The following PDZRN4 variants were observed in gnomAD, a reference collection of about 807,000 sequenced individuals.
PDZRN4 encodes PDZ domain-containing RING finger protein 4.
In PDZRN4, 70 loss-of-function variants were observed where a neutral mutation model predicts 99.0. The observed-to-expected ratio is 0.71, with a 90% confidence interval of 0.58 to 0.86. The LOEUF is 0.86. Among genes scored for constraint, PDZRN4 ranks in the 40% least tolerant of loss-of-function variants. The pLI, the probability that PDZRN4 is intolerant of heterozygous loss-of-function variation, is 0.00. For missense variants in PDZRN4, 1,474 were observed against 1,331.2 expected (o/e 1.11, Z -1.67); for synonymous variants, 551 against 501.6 (o/e 1.10, Z -1.32).
chr12:41,236,701 T>C (rs1271205024), intron 3 of PDZRN4, among the ~76,000 whole-genome samples: 14 of 152,154 alleles, frequency 9.2e-5, no homozygotes, highest in Admixed American at 9.2e-4. Context: ...ATTGTTTTTT[T>C]GTTTCTTTTT....
At chr12:41,455,395 C>T (rs1952809873) in intron 3 of PDZRN4, among the ~76,000 whole-genome samples, 1 of 151,924 alleles carries the variant, frequency 6.6e-6, no homozygotes, top group African/African-American at 2.4e-5. Flanking sequence ...ATCTTGACAG[C>T]CTGAAATCTA....
At chr12:41,506,996 T>G (rs1269847772) in intron 4 of PDZRN4, among the ~76,000 whole-genome samples, 1 of 152,116 alleles carries the variant, frequency 6.6e-6, no homozygotes, top group East Asian at 1.9e-4. Flanking sequence ...TTACTAGCTG[T>G]CAAAAGCCTC....
intron 6 of PDZRN4, among the ~76,000 whole-genome samples, chr12:41,553,161 A>C (rs1414523229): frequency 6.6e-6 from 1 of 152,248 alleles, no homozygotes; most frequent in Non-Finnish European, 1.5e-5. Flanking sequence ...CAATAATCAC[A>C]TCTTTTACTC....
At chr12:41,209,314 G>T (rs1448732005) in intron 3 of PDZRN4, among the ~76,000 whole-genome samples, 1 of 148,206 alleles carries the variant, frequency 6.7e-6, no homozygotes, top group East Asian at 2.0e-4. Flanking sequence ...AATGTCAATG[G>T]CAAGTTTTCT....
chr12:41,264,960 G>T (rs1951266656), intron 3 of PDZRN4, among the ~76,000 whole-genome samples: 1 of 152,048 alleles, frequency 6.6e-6, no homozygotes, highest in African/African-American at 2.4e-5. Flanking sequence ...AAAGAAGGAG[G>T]AGAGAAAGGA....
intron 3 of PDZRN4, among the ~76,000 whole-genome samples, chr12:41,215,794 G>C (rs891526474): frequency 6.6e-6 from 1 of 150,510 alleles, no homozygotes; most frequent in African/African-American, 2.4e-5. Flanking sequence ...TAAATTCAGT[G>C]CTTTGAGTCT....
chr12:41,567,388 T>C (rs1939392757), intron 8 of PDZRN4, among the ~76,000 whole-genome samples: 2 of 152,240 alleles, frequency 1.3e-5, no homozygotes, highest in South Asian at 4.2e-4. Context: ...GGGTTGTTGT[T>C]AAAGAAAACA....
At chr12:41,201,232 T>G (rs1308990108) in intron 3 of PDZRN4, among the ~76,000 whole-genome samples, 1 of 151,850 alleles carries the variant, frequency 6.6e-6, no homozygotes, top group African/African-American at 2.4e-5. Context: ...CAGGCCTCTC[T>G]GCTTTTATTT....
At chr12:41,358,679 A>G (rs769867089) in intron 3 of PDZRN4, among the ~76,000 whole-genome samples, 3 of 151,948 alleles carry the variant, frequency 2.0e-5, no homozygotes, top group Non-Finnish European at 4.4e-5. Context: ...GTGAAACTTG[A>G]ATATATTTAA....
At chr12:41,480,431 G>A (rs1295512385) in intron 3 of PDZRN4, among the ~76,000 whole-genome samples, 5 of 152,010 alleles carry the variant, frequency 3.3e-5, no homozygotes, top group African/African-American at 7.3e-5. Context: ...ATCTTTCTGA[G>A]GTTTTGATCT....
chr12:41,225,434 TG>T (rs1302909867), intron 3 of PDZRN4, among the ~76,000 whole-genome samples: 1 of 93,420 alleles, frequency 1.1e-5, no homozygotes, highest in Non-Finnish European at 2.5e-5. Context: ...TATTACACTG[TG>T]TTTTTTTTTT....
At chr12:41,343,258 T>C (rs1184184592) in intron 3 of PDZRN4, among the ~76,000 whole-genome samples, 2 of 152,012 alleles carry the variant, frequency 1.3e-5, no homozygotes, top group East Asian at 3.9e-4. Context: ...TAGCCTTAAA[T>C]GATATTTTGT....
intron 3 of PDZRN4, among the ~76,000 whole-genome samples, chr12:41,253,479 A>G (rs1951184591): frequency 6.6e-6 from 1 of 152,198 alleles, no homozygotes; most frequent in Non-Finnish European, 1.5e-5. Flanking sequence ...CTATCAAAAA[A>G]ACAGACAATA....
chr12:41,400,935 T>C (rs1160747776), intron 3 of PDZRN4, among the ~76,000 whole-genome samples: 1 of 152,192 alleles, frequency 6.6e-6, no homozygotes, highest in Non-Finnish European at 1.5e-5. Context: ...TCCTGACTGT[T>C]ATTTGGCTTT....
At chr12:41,499,676 T>C (rs17129413) in intron 3 of PDZRN4, among the ~76,000 whole-genome samples, 6,203 of 152,086 alleles carry the variant, frequency 0.041, 329 homozygotes, top group East Asian at 0.18. Context: ...AAATTATTCA[T>C]TGGTTCAGGA....
chr12:41,313,719 C>T (rs1951621614), intron 3 of PDZRN4, among the ~76,000 whole-genome samples: 1 of 152,184 alleles, frequency 6.6e-6, no homozygotes, highest in African/African-American at 2.4e-5. Context: ...ATAAGTCTGT[C>T]CCTCCAATAG....
In PDZRN4 at chr12:41,200,027, A is replaced by AT. The variant is rs758087514; in HGVS notation, c.843+5843dup. On this transcript the variant is annotated intron_variant, in intron 3 of 9. Coordinates refer to ENST00000402685, the MANE Select transcript of PDZRN4 (RefSeq NM_001164595.2). ...CTAAATCTATAAAAATAACAAATAC[A>AT]TTTTAAAAAGAGTGTAAATGGACAT... Among the ~76,000 whole-genome samples the AT allele has an allele frequency of 8.1e-4, 124 of 152,316 alleles. 1 individual carries two copies. The highest frequency in any genetic ancestry group is 1.4e-3 in the Non-Finnish European group (94 of 68,030).
At chr12:41,412,048 G>A (rs1216671725) in intron 3 of PDZRN4, among the ~76,000 whole-genome samples, 1 of 152,198 alleles carries the variant, frequency 6.6e-6, no homozygotes, top group East Asian at 1.9e-4. Flanking sequence ...AAAATAAACA[G>A]ATTGCATTAC....
chr12:41,352,039 G>T (rs1951894045), intron 3 of PDZRN4, among the ~76,000 whole-genome samples: 1 of 143,390 alleles, frequency 7.0e-6, no homozygotes, highest in Non-Finnish European at 1.5e-5. Context: ...AGAAAGTAGA[G>T]CTGGGAAATA....
Sources: gnomAD v4.1 joint callset for allele counts (sites outside exome capture counted in the v4.1 genomes callset) on GRCh38, gnomAD v4.1.1 for gene constraint, MANE v1.5 for transcripts, NCBI Gene and HGNC (gene_info 2026-07-23, HGNC 2026-07-21) for gene names.